The following SH3BGRL2 variants were observed in gnomAD, a reference collection of about 807,000 sequenced individuals.
The protein encoded by SH3BGRL2 is SH3 domain binding glutamate rich protein like 2.
SH3BGRL2 carries 21 observed loss-of-function variants against 14.8 expected under a neutral mutation model. The ratio of observed to expected loss-of-function variants is 1.42; its 90% CI spans 1.01 to 2.05. The LOEUF is 2.05. SH3BGRL2 is among the 30% of genes most tolerant of loss of function. The probability of loss-of-function intolerance (pLI) is 0.00; values close to 1 mark genes in which losing one functional copy is unlikely to be tolerated. For missense variants in SH3BGRL2, 147 were observed against 130.8 expected, an observed-to-expected ratio of 1.12 and a Z score of -0.61; for synonymous variants, 50 against 47.8, an observed-to-expected ratio of 1.05 and a Z score of -0.19.
the SH3BGRL2 span, among the ~76,000 whole-genome samples, chr6:79,563,784 A>G: frequency 6.6e-6 from 1 of 152,234 alleles, no homozygotes; most frequent in African/African-American, 2.4e-5. Context: ...TTGCCAGTCT[A>G]CAGAATTGTG....
At chr6:79,605,370 T>G in the SH3BGRL2 span, among the ~76,000 whole-genome samples, 1 of 152,178 alleles carries the variant, frequency 6.6e-6, no homozygotes, top group Non-Finnish European at 1.5e-5. Context: ...GGAAAAAAAA[T>G]TATTGAACTA....
rs1770410605 is a variant in SH3BGRL2 at position 79,699,571 on chromosome 6, A to G, written c.*62A>G. 4 of 1,489,968 alleles carry G rather than the reference A, an allele frequency of 2.7e-6. No homozygotes were observed. The East Asian group carries it at 9.2e-5, about 34-fold the overall frequency. The allele number at this position is 1,489,968 out of a possible 1,614,324, so 92.3% of individuals were successfully genotyped here. On this transcript the variant is annotated 3_prime_UTR_variant, in exon 4 of 4. Transcript: ENST00000369838. ...AGCACCCCTGGTACTCAGCACACAC[A>G]TGCTTACCTAATGCATCACTGTGAC...
At chr6:79,585,166 G>A in the SH3BGRL2 span, among the ~76,000 whole-genome samples, 2 of 151,814 alleles carry the variant, frequency 1.3e-5, no homozygotes, top group Admixed American at 1.3e-4. Flanking sequence ...GGGCCACAAT[G>A]AATAGATTCT....
At chr6:79,642,535 G>A (rs184093120) in intron 1 of SH3BGRL2, among the ~76,000 whole-genome samples, 37 of 152,228 alleles carry the variant, frequency 2.4e-4, no homozygotes, top group South Asian at 8.3e-4. Context: ...GGGTTTTGGA[G>A]CCTTGATTGG....
intron 2 of SH3BGRL2, among the ~76,000 whole-genome samples, chr6:79,688,868 T>C (rs1369324984): frequency 6.6e-6 from 1 of 152,122 alleles, no homozygotes; most frequent in African/African-American, 2.4e-5. Flanking sequence ...TGCTTAAACA[T>C]GACAAAGAAA....
chr6:79,548,347 G>A, the SH3BGRL2 span, among the ~76,000 whole-genome samples: 1 of 152,208 alleles, frequency 6.6e-6, no homozygotes, highest in South Asian at 2.1e-4. Context: ...AAGATTTAAA[G>A]TATTTGTTCC....
the SH3BGRL2 span, among the ~76,000 whole-genome samples, chr6:79,601,715 AGTTT>A: frequency 3.3e-5 from 5 of 152,298 alleles, no homozygotes; most frequent in East Asian, 1.9e-4. Context: ...TACCACTTAA[AGTTT>A]GTTTGGTCAC....
At chr6:79,591,985 A>AT in the SH3BGRL2 span, among the ~76,000 whole-genome samples, 1 of 152,148 alleles carries the variant, frequency 6.6e-6, no homozygotes, top group African/African-American at 2.4e-5. Context: ...GTCTCTAAGT[A>AT]TTTTTTTATG....
intron 2 of SH3BGRL2, among the ~76,000 whole-genome samples, chr6:79,693,356 T>A (rs1770265484): frequency 6.6e-6 from 1 of 151,684 alleles, no homozygotes; most frequent in Admixed American, 6.6e-5. Flanking sequence ...TATTTCTTTC[T>A]CCTGCCTGAT....
the SH3BGRL2 span, among the ~76,000 whole-genome samples, chr6:79,567,971 TA>T: frequency 6.6e-6 from 1 of 152,246 alleles, no homozygotes; most frequent in Middle Eastern, 3.4e-3. Flanking sequence ...CAATGACTAG[TA>T]ACATAAAAAG....
At chr6:79,617,606 T>C in the SH3BGRL2 span, among the ~76,000 whole-genome samples, 1 of 152,228 alleles carries the variant, frequency 6.6e-6, no homozygotes. Flanking sequence ...TGTGTTTGTT[T>C]TGTTTCATGA....
chr6:79,599,904 T>C, the SH3BGRL2 span, among the ~76,000 whole-genome samples: 1 of 152,208 alleles, frequency 6.6e-6, no homozygotes, highest in Non-Finnish European at 1.5e-5. Flanking sequence ...TGGGTATGAT[T>C]ACTTAGTGTG....
At chr6:79,570,789 T>C in the SH3BGRL2 span, among the ~76,000 whole-genome samples, 1 of 152,032 alleles carries the variant, frequency 6.6e-6, no homozygotes, top group Non-Finnish European at 1.5e-5. Context: ...TTCCTGGGAG[T>C]GAGCAAATCT....
chr6:79,679,926 G>A (rs1276954965), intron 2 of SH3BGRL2, among the ~76,000 whole-genome samples: 1 of 151,996 alleles, frequency 6.6e-6, no homozygotes, highest in Non-Finnish European at 1.5e-5. Context: ...TTAAAATTAG[G>A]TTATTTGATT....
At chr6:79,614,896 AT>A in the SH3BGRL2 span, among the ~76,000 whole-genome samples, 1 of 152,132 alleles carries the variant, frequency 6.6e-6, no homozygotes, top group African/African-American at 2.4e-5. Context: ...CCACTTTCTG[AT>A]TTGGTGAGAC....
rs186785034 is a variant in SH3BGRL2 at position 79,684,514 on chromosome 6, A to G, written c.231+10715A>G. On this transcript the variant is annotated intron_variant, in intron 2 of 3. Transcript: ENST00000369838. ...GAACATACCTAACAAACATGGTTAT[A>G]TGAATGGGTAAATGGTGTTTTCAGC... Among the ~76,000 whole-genome samples, 17 of 152,288 alleles carry G rather than the reference A, an allele frequency of 1.1e-4. No individual in the cohort carries two copies. The South Asian group carries it at 1.2e-3, about 11-fold the overall frequency.
chr6:79,675,359 T>A (rs1302320621), intron 2 of SH3BGRL2, among the ~76,000 whole-genome samples: 1 of 152,200 alleles, frequency 6.6e-6, no homozygotes, highest in African/African-American at 2.4e-5. Context: ...TGATTGTTTA[T>A]GTTTTTGTCA....
the SH3BGRL2 span, among the ~76,000 whole-genome samples, chr6:79,588,465 G>T: frequency 4.6e-5 from 7 of 152,132 alleles, no homozygotes; most frequent in African/African-American, 1.7e-4. Context: ...GGACAGGAAA[G>T]GCACTTTTAT....
At chr6:79,638,308 A>C (rs1562144326) in intron 1 of SH3BGRL2, among the ~76,000 whole-genome samples, 1 of 152,184 alleles carries the variant, frequency 6.6e-6, no homozygotes, top group Non-Finnish European at 1.5e-5. Flanking sequence ...TTATGGCTGA[A>C]TAACATTCCA....
Sources: gnomAD v4.1 joint callset for allele counts (sites outside exome capture counted in the v4.1 genomes callset) on GRCh38, gnomAD v4.1.1 for gene constraint, MANE v1.5 for transcripts, NCBI Gene and HGNC (gene_info 2026-07-23, HGNC 2026-07-21) for gene names.